The following PRKG1 variants were observed in gnomAD, a reference collection of about 807,000 sequenced individuals.
The protein encoded by PRKG1 is protein kinase cGMP-dependent 1.
In PRKG1, 35 loss-of-function variants were observed where a neutral mutation model predicts 88.1. That is an observed-to-expected ratio of 0.40 (90% confidence interval 0.30 to 0.53). The LOEUF (loss-of-function observed/expected upper bound fraction) is 0.53, where lower values mean the gene tolerates loss of function less well. Among genes scored for constraint, PRKG1 ranks in the 20% least tolerant of loss-of-function variants. PRKG1 has a pLI of 0.59. For synonymous variants in PRKG1, 303 were observed against 292.5 expected (o/e 1.04, Z -0.37); for missense variants, 540 against 839.8 (o/e 0.64, Z 4.41).
intron 4 of PRKG1, among the ~76,000 whole-genome samples, chr10:51,888,050 C>CA (rs1020571746): frequency 5.9e-5 from 9 of 152,116 alleles, no homozygotes; most frequent in South Asian, 4.2e-4. Context: ...GCAAAGCAAA[C>CA]AAAAAACACA....
At chr10:51,096,523 G>T (rs771850745) in intron 1 of PRKG1, among the ~76,000 whole-genome samples, 2 of 152,042 alleles carry the variant, frequency 1.3e-5, no homozygotes, top group African/African-American at 4.8e-5. Context: ...TCTACACCTT[G>T]GATTTCTCAT....
intron 3 of PRKG1, among the ~76,000 whole-genome samples, chr10:51,541,850 A>G (rs530984644): frequency 6.6e-5 from 10 of 152,340 alleles, no homozygotes; most frequent in African/African-American, 2.4e-4. Flanking sequence ...TAGTATTTTA[A>G]AATCTTTTTA....
intron 2 of PRKG1, among the ~76,000 whole-genome samples, chr10:51,311,883 T>C (rs1443635971): frequency 6.6e-6 from 1 of 152,112 alleles, no homozygotes; most frequent in Non-Finnish European, 1.5e-5. Flanking sequence ...TATTTTTTTT[T>C]CGTGGGGGAT....
intron 2 of PRKG1, among the ~76,000 whole-genome samples, chr10:51,407,655 A>G (rs1190442848): frequency 6.6e-6 from 1 of 151,910 alleles, no homozygotes. Flanking sequence ...TTGTGTTTTT[A>G]TTTTTCCTGG....
At chr10:51,172,394 AAAAC>A (rs1837050303) in intron 2 of PRKG1, among the ~76,000 whole-genome samples, 1 of 152,122 alleles carries the variant, frequency 6.6e-6, no homozygotes, top group African/African-American at 2.4e-5. Flanking sequence ...ATTTAATAAT[AAAAC>A]AAATTGTTAA....
intron 3 of PRKG1, among the ~76,000 whole-genome samples, chr10:51,474,465 A>C (rs1840138314): frequency 6.6e-6 from 1 of 152,042 alleles, no homozygotes; most frequent in African/African-American, 2.4e-5. Flanking sequence ...ATTCTGTAAC[A>C]TAATGATGAG....
chr10:52,283,529 G>A (rs1842047323), intron 14 of PRKG1, among the ~76,000 whole-genome samples: 1 of 152,088 alleles, frequency 6.6e-6, no homozygotes, highest in Admixed American at 6.6e-5. Flanking sequence ...GTCATTGCCA[G>A]AAATAGTTGT....
At chr10:51,578,651 G>C (rs1193041469) in intron 3 of PRKG1, among the ~76,000 whole-genome samples, 3 of 152,092 alleles carry the variant, frequency 2.0e-5, no homozygotes, top group Non-Finnish European at 2.9e-5. Flanking sequence ...AAGCCATACT[G>C]TCAGCAATAA....
At chr10:51,119,483 G>A (rs1029287907) in intron 1 of PRKG1, among the ~76,000 whole-genome samples, 1 of 151,862 alleles carries the variant, frequency 6.6e-6, no homozygotes, top group Non-Finnish European at 1.5e-5. Flanking sequence ...AGTTAAATAT[G>A]CTTCTCAAGA....
intron 3 of PRKG1, among the ~76,000 whole-genome samples, chr10:51,532,732 C>G (rs1842048928): frequency 6.6e-6 from 1 of 152,170 alleles, no homozygotes; most frequent in Admixed American, 6.5e-5. Context: ...GCTCTTTGAC[C>G]CCTGAGGATC....
At chr10:51,133,521 A>G (rs907797727) in intron 1 of PRKG1, among the ~76,000 whole-genome samples, 2 of 152,166 alleles carry the variant, frequency 1.3e-5, no homozygotes, top group Non-Finnish European at 2.9e-5. Context: ...ATGGACAAAC[A>G]TTGAGGAAAT....
chr10:52,203,246 G>T (rs967942302), intron 9 of PRKG1, among the ~76,000 whole-genome samples: 1 of 152,046 alleles, frequency 6.6e-6, no homozygotes, highest in African/African-American at 2.4e-5. Flanking sequence ...ATAATTCCTT[G>T]ATTTCTGCCT....
chr10:52,112,253 C>G (rs1281134377), intron 7 of PRKG1, among the ~76,000 whole-genome samples: 1 of 152,192 alleles, frequency 6.6e-6, no homozygotes, highest in Non-Finnish European at 1.5e-5. Context: ...TTCATAAATA[C>G]TTAGCTTGTG....
chr10:51,663,755 T>C (rs1840358904), intron 3 of PRKG1, among the ~76,000 whole-genome samples: 1 of 151,324 alleles, frequency 6.6e-6, no homozygotes, highest in Non-Finnish European at 1.5e-5. Context: ...TGTCTCTCTC[T>C]TCTTAGATAT....
intron 6 of PRKG1, among the ~76,000 whole-genome samples, chr10:52,055,516 G>A (rs1846089545): frequency 6.6e-6 from 1 of 152,090 alleles, no homozygotes; most frequent in Non-Finnish European, 1.5e-5. Context: ...AAGAAATTGA[G>A]TGAATTGGAA....
chr10:51,183,857 G>C (rs1837415052), intron 2 of PRKG1, among the ~76,000 whole-genome samples: 1 of 152,122 alleles, frequency 6.6e-6, no homozygotes, highest in Non-Finnish European at 1.5e-5. Flanking sequence ...TCAGAGATGG[G>C]CAAATCTGTA....
intron 5 of PRKG1, among the ~76,000 whole-genome samples, chr10:51,960,920 C>T (rs1284099298): frequency 6.6e-6 from 1 of 152,032 alleles, no homozygotes; most frequent in Non-Finnish European, 1.5e-5. Flanking sequence ...ATATGCCATG[C>T]TACTCAGGCG....
At chr10:51,059,641 T>A (rs1463384227) in intron 1 of PRKG1, among the ~76,000 whole-genome samples, 2 of 152,160 alleles carry the variant, frequency 1.3e-5, no homozygotes, top group Non-Finnish European at 2.9e-5. Flanking sequence ...AATTATTGAG[T>A]TAATTTTTGT....
At chr10:50,998,576 C>A (rs1281249131) in intron 1 of PRKG1, among the ~76,000 whole-genome samples, 1 of 152,062 alleles carries the variant, frequency 6.6e-6, no homozygotes, top group Non-Finnish European at 1.5e-5. Flanking sequence ...GGTGAAACAC[C>A]GTCTCTACTA....
Sources: allele counts gnomAD v4.1 joint callset (sites outside exome capture counted in the v4.1 genomes callset), GRCh38; gene constraint gnomAD v4.1.1; transcripts MANE v1.5; gene names NCBI Gene and HGNC (gene_info 2026-07-23, HGNC 2026-07-21).